USP48: variants seen among roughly 807,000 people sequenced by gnomAD.
USP48 encodes the protein ubiquitin specific peptidase 48, also known as ubiquitin carboxyl-terminal hydrolase 48.
In USP48, 43 loss-of-function variants were observed where a neutral mutation model predicts 150.7. That is an observed-to-expected ratio of 0.29 (90% CI 0.22 to 0.37). USP48 has a LOEUF of 0.37. Ranked by LOEUF, USP48 falls within the 10% of genes least tolerant of loss-of-function variation. USP48 has a pLI of 1.00. For synonymous variants in USP48, 396 were observed against 425.9 expected (o/e 0.93, Z 0.86); for missense variants, 813 against 1,249.6 (o/e 0.65, Z 5.27).
rs1185471016 is a variant in USP48, at chr1:21,723,959, C to T, written c.1587G>A (p.Arg529=). 1 of 1,614,002 alleles carries T rather than the reference C, an allele frequency of 6.2e-7. No homozygotes were observed. The highest frequency in any genetic ancestry group is 1.3e-5 in the African/African-American group (1 of 74,904). Residue 529 remains arginine (R), a synonymous_variant, in exon 12 of 27, where the codon AGG becomes AGA. Coordinates refer to ENST00000308271, the MANE Select transcript of USP48 (RefSeq NM_032236.8). ...AAATGTCAGCTGCATATTCAGATAT[C>T]CTCTTCATAATTGATATTTTATCCG... ...LHPDKISIMK[R]ISEYAADIFY...
At chr1:21,759,202 A>G (rs921810446) in intron 1 of USP48, among the ~76,000 whole-genome samples, 2 of 151,224 alleles carry the variant, frequency 1.3e-5, no homozygotes, top group African/African-American at 2.4e-5. Context: ...AAAAAAAAAA[A>G]AAAGGAATCA....
At chr1:21,742,601 A>AAAAAG (rs1323853695) in intron 8 of USP48, among the ~76,000 whole-genome samples, 1 of 119,776 alleles carries the variant, frequency 8.3e-6, no homozygotes, top group East Asian at 1.9e-4. Context: ...AAGAAAAGAA[A>AAAAAG]AAAAGAAAAA....
chr1:21,754,412 G>T (rs1416894922), intron 3 of USP48, among the ~76,000 whole-genome samples: 1 of 152,198 alleles, frequency 6.6e-6, no homozygotes, highest in Non-Finnish European at 1.5e-5. Context: ...AAGTTTTAAT[G>T]AGCTAGTGCA....
chr1:21,744,192 C>A (rs1016191819), intron 8 of USP48, among the ~76,000 whole-genome samples: 1 of 152,106 alleles, frequency 6.6e-6, no homozygotes, highest in Non-Finnish European at 1.5e-5. Context: ...ACCTGTAATC[C>A]CACCACTTTG....
At chr1:21,752,441 A>C (rs1161741784) in intron 5 of USP48, 86 bp downstream of exon 5, 4 of 1,496,100 alleles carry the variant, frequency 2.7e-6, no homozygotes, top group Admixed American at 2.3e-5. Context: ...CTAAAGCTAC[A>C]ACCTGGAACT....
chr1:21,740,192 T>C (rs1446464581), intron 8 of USP48, among the ~76,000 whole-genome samples: 1 of 152,270 alleles, frequency 6.6e-6, no homozygotes, highest in Non-Finnish European at 1.5e-5. Flanking sequence ...ATTACAGGCA[T>C]GAGCCACTGC....
At chr1:21,778,455 A>G (rs2097905737) in intron 1 of USP48, among the ~76,000 whole-genome samples, 1 of 152,008 alleles carries the variant, frequency 6.6e-6, no homozygotes, top group Non-Finnish European at 1.5e-5. Context: ...CCACTCTGGA[A>G]AGTAACCTGA....
At chr1:21,731,786 T>C (rs972322833) in intron 9 of USP48, among the ~76,000 whole-genome samples, 26 of 152,078 alleles carry the variant, frequency 1.7e-4, no homozygotes, top group East Asian at 3.9e-4. Flanking sequence ...GCAGAATCAG[T>C]TGAACCCAGG....
intron 3 of USP48, among the ~76,000 whole-genome samples, chr1:21,756,177 T>A (rs1275784896): frequency 1.7e-4 from 25 of 147,766 alleles, no homozygotes; most frequent in Non-Finnish European, 2.7e-4. Flanking sequence ...AAAATAATAA[T>A]AATAATAATA....
chr1:21,694,493 C>A (rs147834471), intron 23 of USP48, among the ~76,000 whole-genome samples: 2,453 of 136,338 alleles, frequency 0.018, 37 homozygotes, highest in African/African-American at 0.038. Context: ...CTGCTTGAAC[C>A]CGGTAGGCGG....
In USP48 at chr1:21,756,822, T is replaced by C. The variant is rs1214267069; in HGVS notation, c.256-120A>G. On this transcript the variant is annotated intron_variant, in intron 2 of 26. Coordinates refer to ENST00000308271, the MANE Select transcript of USP48 (RefSeq NM_032236.8). ...TAAGACCGTCACAACCAACATGGTA[T>C]AGCCACCTTAAGTTTCTCTTGGCTG... 2.8e-6 allele frequency: 4 copies of C among 1,453,352 alleles called. No homozygotes were observed. The African/African-American group carries it at 4.4e-5, about 16-fold the overall frequency. The allele number at this position is 1,453,352 out of a possible 1,614,324, so 90.0% of individuals were successfully genotyped here.
intron 23 of USP48, 100 bp from the exon 24 acceptor site, chr1:21,690,199 AGGCTTCAGAGTAC>A: frequency 1.5e-6 from 2 of 1,312,132 alleles, no homozygotes; most frequent in Non-Finnish European, 2.0e-6. Flanking sequence ...AAAAAAAAAA[AGGCTTCAGAGTAC>A]AAAACCACTA....
chr1:21,722,488 A>G (rs2097723990), intron 12 of USP48, among the ~76,000 whole-genome samples: 2 of 150,694 alleles, frequency 1.3e-5, no homozygotes, highest in Non-Finnish European at 3.0e-5. Context: ...GTAGTGCACT[A>G]CGATTCCACC....
intron 25 of USP48, among the ~76,000 whole-genome samples, chr1:21,682,732 G>A (rs2097569529): frequency 6.6e-6 from 1 of 152,060 alleles, no homozygotes; most frequent in South Asian, 2.1e-4. Flanking sequence ...AAAATTAGCT[G>A]GGCATGGTGG....
chr1:21,755,284 G>GTAAAA (rs200911564), intron 3 of USP48, among the ~76,000 whole-genome samples: 11,602 of 152,156 alleles, frequency 0.076, 497 homozygotes, highest in Middle Eastern at 0.11. Context: ...TTCAAGGCCA[G>GTAAAA]GTGCTGTGGC....
chr1:21,687,320 T>C, intron 24 of USP48, 81 bp from the exon 25 acceptor site: 2 of 1,294,584 alleles, frequency 1.5e-6, no homozygotes, highest in Non-Finnish European at 1.1e-6. Flanking sequence ...ATTCAACTAC[T>C]GATATTGCTA....
chr1:21,759,397 C>G (rs2097844921), intron 1 of USP48, among the ~76,000 whole-genome samples: 1 of 152,094 alleles, frequency 6.6e-6, no homozygotes, highest in South Asian at 2.1e-4. Context: ...AAGGAACAAA[C>G]AGCCAACTCT....
At chr1:21,774,415 G>A (rs575389085) in intron 1 of USP48, among the ~76,000 whole-genome samples, 160 of 151,516 alleles carry the variant, frequency 1.1e-3, no homozygotes, top group African/African-American at 3.6e-3. Flanking sequence ...AGGACCGGTC[G>A]CAGTGGCTCA....
At chr1:21,777,181 G>C (rs371045985) in intron 1 of USP48, among the ~76,000 whole-genome samples, 2 of 151,740 alleles carry the variant, frequency 1.3e-5, no homozygotes. Flanking sequence ...ACAGCTACTC[G>C]GGATGCTGAA....
Sources: allele counts gnomAD v4.1 joint callset (sites outside exome capture counted in the v4.1 genomes callset), GRCh38; gene constraint gnomAD v4.1.1; transcripts MANE v1.5; gene names NCBI Gene and HGNC (gene_info 2026-07-23, HGNC 2026-07-21).